The following KIF2C variants were observed in gnomAD, a reference collection of about 807,000 sequenced individuals.
KIF2C encodes the protein kinesin family member 2C.
A neutral mutation model predicts 97.4 loss-of-function variants in KIF2C; 34 were observed. The ratio of observed to expected loss-of-function variants is 0.35; its 90% confidence interval spans 0.27 to 0.46. KIF2C has a LOEUF of 0.46. Among genes scored for constraint, KIF2C ranks in the 20% least tolerant of loss-of-function variants. The pLI, the probability that KIF2C is intolerant of heterozygous loss-of-function variation, is 1.00. For missense variants in KIF2C, 750 were observed against 907.6 expected (o/e 0.83, Z 2.23); for synonymous variants, 313 against 318.2 (o/e 0.98, Z 0.17).
chr1:44,761,835 G>T, intron 16 of KIF2C, 81 bp from the exon 17 acceptor site: 1 of 1,329,758 alleles, frequency 7.5e-7, no homozygotes, highest in South Asian at 1.2e-5. Context: ...GAAACACCCT[G>T]ACTGGAGGCC....
chr1:44,741,072 G>A (rs1261971317), intron 2 of KIF2C, 65 bp downstream of exon 2: 10 of 1,266,818 alleles, frequency 7.9e-6, no homozygotes, highest in Non-Finnish European at 1.0e-5. Flanking sequence ...CTGTGCAGAA[G>A]TGGAATCTGT....
chr1:44,766,758 G>A, intron 19 of KIF2C, 68 bp from the exon 20 acceptor site: 1 of 1,571,900 alleles, frequency 6.4e-7, no homozygotes. Context: ...CTGCATTGCA[G>A]TTGGTAGGAC....
chr1:44,766,894 G>A lies in KIF2C; in HGVS notation c.2040G>A (p.Val680=), dbSNP rs770214514. The A allele has an allele frequency of 9.9e-6, 16 of 1,614,212 alleles. No homozygotes were observed. The highest frequency in any genetic ancestry group is 1.3e-5 in the African/African-American group (1 of 75,066). ...EQPDYDLETF[V]NKAESALAQQ... ...CAGACTATGACCTGGAGACCTTTGT[G>A]AACAAAGCGGAATCTGCTCTGGCCC... Residue 680 remains valine (V), a synonymous_variant, in exon 20 of 21, where the codon GTG becomes GTA. Transcript: ENST00000372224.
chr1:44,766,733 A>G (rs746176689), intron 19 of KIF2C, 93 bp from the exon 20 acceptor site: 38 of 1,391,584 alleles, frequency 2.7e-5, no homozygotes, highest in Non-Finnish European at 3.6e-5. Flanking sequence ...GAGGTAAAGC[A>G]TCTTACTCAG....
chr1:44,759,897 C>T (rs1001795439), intron 14 of KIF2C, among the ~76,000 whole-genome samples: 6 of 152,082 alleles, frequency 3.9e-5, no homozygotes, highest in East Asian at 1.9e-4. Flanking sequence ...TACAGTGGGG[C>T]GCTACGCAGC....
chr1:44,765,104 A>C (rs974500852), intron 19 of KIF2C, among the ~76,000 whole-genome samples: 15 of 152,054 alleles, frequency 9.9e-5, no homozygotes, highest in Non-Finnish European at 1.9e-4. Context: ...TGGGCAACAG[A>C]GCAAGACTGT....
At chr1:44,754,720 C>T in intron 7 of KIF2C, 30 bp from the exon 8 acceptor site, 2 of 1,302,690 alleles carry the variant, frequency 1.5e-6, no homozygotes, top group East Asian at 4.6e-5. Flanking sequence ...TCTTAACAGT[C>T]TGCCCTTTTT....
chr1:44,747,342 G>T, intron 2 of KIF2C, 42 bp from the exon 3 acceptor site: 175 of 1,258,360 alleles, frequency 1.4e-4, no homozygotes, highest in Middle Eastern at 1.9e-4. Flanking sequence ...TATTTGGATT[G>T]AACAATGTTG....
chr1:44,762,712 TC>T, intron 19 of KIF2C, 54 bp downstream of exon 19: 2 of 1,120,252 alleles, frequency 1.8e-6, no homozygotes, highest in Non-Finnish European at 2.7e-6. Flanking sequence ...CTCAGTATGC[TC>T]CACACCATTC....
At chr1:44,766,741 C>T in intron 19 of KIF2C, 85 bp from the exon 20 acceptor site, 1 of 1,457,220 alleles carries the variant, frequency 6.9e-7, no homozygotes, top group Admixed American at 1.9e-5. Context: ...GCATCTTACT[C>T]AGGTGTCTGC....
Position 44,754,787 on chromosome 1 carries a change from G to A in KIF2C, c.701G>A (p.Arg234Gln), listed in dbSNP as rs376314711. The A allele has an allele frequency of 2.7e-5, 43 of 1,613,504 alleles. No individual in the cohort carries two copies. The highest frequency in any genetic ancestry group is 3.5e-5 in the Non-Finnish European group (41 of 1,179,486). Residue 234 changes from arginine to glutamine, a missense_variant, in exon 8 of 21, where the codon CGA (arginine) becomes CAA (glutamine). Arg to Gln is a conservative substitution (Grantham distance 43, BLOSUM62 1). Transcript: ENST00000372224. ...DSSFPNWEFARMIKEFRATLE... is the reference protein window; with the variant it reads ...DSSFPNWEFAQMIKEFRATLE... ...AGTTTTCCAAACTGGGAATTTGCCCGAATGATTAAAGAATTTCGGGCTACT... is the reference window on the plus strand; with the variant it reads ...AGTTTTCCAAACTGGGAATTTGCCCAAATGATTAAAGAATTTCGGGCTACT...
chr1:44,746,332 A>G (rs1649195765), intron 2 of KIF2C: 1 of 1,011,016 alleles, frequency 9.9e-7, no homozygotes, highest in South Asian at 4.5e-5. Flanking sequence ...GGAGAATTGC[A>G]GGACTCTGAT....
chr1:44,749,080 T>G (rs1649370831), intron 4 of KIF2C, among the ~76,000 whole-genome samples: 1 of 152,174 alleles, frequency 6.6e-6, no homozygotes, highest in Non-Finnish European at 1.5e-5. Context: ...GCAGATCACC[T>G]GAGGTCAGGA....
intron 5 of KIF2C, among the ~76,000 whole-genome samples, 189 bp from the exon 6 acceptor site, chr1:44,752,943 A>C (rs1457334822): frequency 6.6e-6 from 1 of 152,192 alleles, no homozygotes; most frequent in South Asian, 2.1e-4. Context: ...TTTTGACCCC[A>C]GGAGCCAGCC....
rs1226504707 is a variant in KIF2C, at chr1:44,755,966, G to A, written c.797G>A (p.Arg266His). ...EHRICVCVRKRPLNKQELAKK... is the reference protein window; with the variant it reads ...EHRICVCVRKHPLNKQELAKK... ...AGAATATGTGTCTGTGTTAGGAAACGCCCACTGAATAAGCAAGGTAAGTCC... is the reference window on the plus strand; with the variant it reads ...AGAATATGTGTCTGTGTTAGGAAACACCCACTGAATAAGCAAGGTAAGTCC... The change falls in exon 9 of 21, where the codon CGC becomes CAC. Residue 266 changes from arginine to histidine, a missense_variant. Coordinates refer to ENST00000372224, the MANE Select transcript of KIF2C (RefSeq NM_006845.4). The A allele has an allele frequency of 6.2e-7, 1 of 1,614,136 alleles. No homozygotes were observed.
In KIF2C at chr1:44,760,378, CTT is replaced by C. The variant is rs2148832123; in HGVS notation, c.1468_1469del (p.Leu490GlyfsTer7). On this transcript the variant is annotated frameshift_variant, in exon 15 of 21. Transcript: ENST00000372224. LOFTEE classifies it high-confidence loss of function. The surrounding 1 kb of genome is among the most constrained non-coding windows in gnomAD (Gnocchi z 4.2). ...AAAGGGAGAATGCATGGCAAGTTCT[CTT>C]TGGTAGATCTGGCAGGGAATGAGCG... The C allele has an allele frequency of 6.2e-7, 1 of 1,614,236 alleles. No homozygotes were observed. The highest frequency in any genetic ancestry group is 8.5e-7 in the Non-Finnish European group (1 of 1,180,040).
rs200343767 is a variant in KIF2C, at chr1:44,762,183, G to A, written c.1752-163G>A. On this transcript the variant is annotated intron_variant, in intron 17 of 20. Coordinates refer to ENST00000372224, the MANE Select transcript of KIF2C (RefSeq NM_006845.4). ...CCCTGCTGGAGAGTCAGCTGGGTGA[G>A]GGGCTTTTCCAGTCCAGCTTTAGTT... The A allele has an allele frequency of 5.8e-6, 5 of 857,502 alleles. No individual in the cohort carries two copies. In the East Asian group the frequency reaches 1.2e-4, roughly 21 times the overall value. The allele number at this position is 857,502 out of a possible 1,614,324, so 53.1% of individuals were successfully genotyped here.
In KIF2C at chr1:44,752,697, T is replaced by C. The variant is rs1408962648; in HGVS notation, c.440-435T>C. Among the ~76,000 whole-genome samples, 3 of 152,208 alleles carry C rather than the reference T, an allele frequency of 2.0e-5. No homozygotes were observed. The East Asian group carries it at 5.8e-4, about 29-fold the overall frequency. On this transcript the variant is annotated intron_variant, in intron 5 of 20. Coordinates refer to ENST00000372224, the MANE Select transcript of KIF2C (RefSeq NM_006845.4). ...TGGACCTTTCTGTATTGAATCAATCTGGTTAGTTATTGCCCCAGTTCCCTG... is the reference window on the plus strand; with the variant it reads ...TGGACCTTTCTGTATTGAATCAATCCGGTTAGTTATTGCCCCAGTTCCCTG...
intron 5 of KIF2C, among the ~76,000 whole-genome samples, chr1:44,751,616 C>G (rs764093396): frequency 6.1e-5 from 9 of 147,666 alleles, no homozygotes; most frequent in African/African-American, 7.5e-5. Flanking sequence ...TCAATTGATT[C>G]TTCTGCCTCA....
Sources: gnomAD v4.1 joint callset for allele counts (sites outside exome capture counted in the v4.1 genomes callset) on GRCh38, gnomAD v4.1.1 for gene constraint, Gnocchi (gnomAD v3.1) non-coding constraint, MANE v1.5 for transcripts, NCBI Gene and HGNC (gene_info 2026-07-23, HGNC 2026-07-21) for gene names.